MARCHF7: variants seen among roughly 807,000 people sequenced by gnomAD.
MARCHF7 encodes membrane associated ring-CH-type finger 7.
MARCHF7 carries 20 observed loss-of-function variants against 76.5 expected under a neutral mutation model. The observed-to-expected ratio is 0.26, with a 90% CI of 0.18 to 0.38. The LOEUF (loss-of-function observed/expected upper bound fraction) is 0.38, where lower values mean the gene tolerates loss of function less well. Ranked by LOEUF, MARCHF7 falls within the 10% of genes least tolerant of loss-of-function variation. MARCHF7 has a pLI of 1.00. For missense variants in MARCHF7, 797 were observed against 812.9 expected (o/e 0.98, Z 0.24); for synonymous variants, 295 against 293.0 (o/e 1.01, Z -0.07).
At chr2:159,731,616 T>C (rs1702799244) in intron 4 of MARCHF7, among the ~76,000 whole-genome samples, 2 of 151,470 alleles carry the variant, frequency 1.3e-5, no homozygotes, top group South Asian at 4.2e-4. Context: ...TAGCTGGGCG[T>C]GGTGGCGCAT....
intron 3 of MARCHF7, among the ~76,000 whole-genome samples, chr2:159,721,938 C>T (rs1196727803): frequency 2.6e-5 from 4 of 152,120 alleles, no homozygotes; most frequent in African/African-American, 9.7e-5. Flanking sequence ...GGAAGATAGC[C>T]TAACTGTCCA....
chr2:159,742,284 G>A (rs965142408), intron 4 of MARCHF7, among the ~76,000 whole-genome samples: 1 of 151,336 alleles, frequency 6.6e-6, no homozygotes, highest in African/African-American at 2.4e-5. Context: ...TGTTACTAGT[G>A]TTGTATGACC....
At chr2:159,750,091 A>G (rs894179873) in intron 7 of MARCHF7, among the ~76,000 whole-genome samples, 1 of 152,232 alleles carries the variant, frequency 6.6e-6, no homozygotes, top group African/African-American at 2.4e-5. Context: ...CTTTTTGTAG[A>G]GACAGGGTCT....
intron 6 of MARCHF7, among the ~76,000 whole-genome samples, chr2:159,746,828 T>G (rs981246177): frequency 6.6e-6 from 1 of 152,256 alleles, no homozygotes; most frequent in Admixed American, 6.5e-5. Context: ...AAATAATGTT[T>G]TGTTTTTAAA....
chr2:159,721,994 G>A (rs1701690658), intron 3 of MARCHF7, among the ~76,000 whole-genome samples: 1 of 152,164 alleles, frequency 6.6e-6, no homozygotes, highest in South Asian at 2.1e-4. Context: ...CATAGTGACA[G>A]AAGGAAAAGA....
chr2:159,762,909 C>T lies in MARCHF7; in HGVS notation c.1923C>T (p.Leu641=). ...QAEYEFISSG[L]YLVVLLHLCE... ...AGTATGAGTTTATCAGCTCTGGTCTCTACCTAGTGGTGTTATTGCACTTGT... is the reference window on the plus strand; with the variant it reads ...AGTATGAGTTTATCAGCTCTGGTCTTTACCTAGTGGTGTTATTGCACTTGT... The change falls in exon 10 of 12, where the codon CTC becomes CTT. Residue 641 remains leucine, a synonymous_variant. Coordinates refer to ENST00000409175, the MANE Select transcript of MARCHF7 (RefSeq NM_001282805.2). The T allele has an allele frequency of 6.2e-7, 1 of 1,612,630 alleles. No individual in the cohort carries two copies. Among genetic ancestry groups the T allele is most frequent in the Non-Finnish European group, 8.5e-7 (1 of 1,179,518 alleles).
intron 5 of MARCHF7, among the ~76,000 whole-genome samples, chr2:159,743,682 T>C (rs549120604): frequency 6.6e-6 from 1 of 152,098 alleles, no homozygotes; most frequent in African/African-American, 2.4e-5. Flanking sequence ...GGATGATCGC[T>C]TGAGGCCAGG....
At chr2:159,730,743 A>C (rs1334258712) in intron 4 of MARCHF7, among the ~76,000 whole-genome samples, 2 of 152,110 alleles carry the variant, frequency 1.3e-5, no homozygotes, top group African/African-American at 4.8e-5. Context: ...AATTTTGTCT[A>C]CTCATTTTTG....
intron 4 of MARCHF7, among the ~76,000 whole-genome samples, chr2:159,742,433 A>G (rs13019362): frequency 0.062 from 9,429 of 152,202 alleles, 381 homozygotes; most frequent in Middle Eastern, 0.14. Flanking sequence ...GGTTCCTGAA[A>G]AGACTGAAAT....
In MARCHF7 at chr2:159,747,854, A is replaced by C; in HGVS notation, c.564A>C (p.Glu188Asp). 6.2e-7 allele frequency: 1 copy of C among 1,610,128 alleles called. No individual in the cohort carries two copies. The highest frequency in any genetic ancestry group is 8.5e-7 in the Non-Finnish European group (1 of 1,179,044). Reference protein sequence around the residue: ...PSYSQGARPKENSMSTLQLNT... With the variant: ...PSYSQGARPKDNSMSTLQLNT... ...ATTCACAAGGAGCAAGACCAAAAGA[A>C]AACTCAATGAGCACTTTACAGTTGA... The change falls in exon 7 of 12, where the codon GAA (glutamate) becomes GAC (aspartate). Residue 188 changes from glutamate to aspartate, a missense_variant. This residue lies in a region of MARCHF7 where 643 missense variants were observed against 631.5 expected (regional missense o/e 1.02). Transcript: ENST00000409175.
chr2:159,731,840 C>T (rs1005913441), intron 4 of MARCHF7, among the ~76,000 whole-genome samples: 4 of 152,064 alleles, frequency 2.6e-5, no homozygotes, highest in African/African-American at 7.2e-5. Context: ...CACAGTGGCT[C>T]ACGCCTGTAA....
chr2:159,716,115 A>G (rs1701004673), intron 3 of MARCHF7, among the ~76,000 whole-genome samples: 1 of 151,280 alleles, frequency 6.6e-6, no homozygotes, highest in Non-Finnish European at 1.5e-5. Flanking sequence ...AGTATTTGTC[A>G]GCTAAAAGTT....
In MARCHF7 at chr2:159,748,377, A is replaced by G. The variant is rs764852869; in HGVS notation, c.1087A>G (p.Asn363Asp). 1.2e-6 allele frequency: 2 copies of G among 1,613,928 alleles called. No individual in the cohort carries two copies. The highest frequency in any genetic ancestry group is 3.3e-5 in the Admixed American group (2 of 60,026). Residue 363 changes from asparagine to aspartate, a missense_variant, in exon 7 of 12, where the codon AAT (asparagine) becomes GAT (aspartate). By Grantham distance (23) the Asn-to-Asp change is conservative. This residue lies in a region of MARCHF7 where 643 missense variants were observed against 631.5 expected (regional missense o/e 1.02). Coordinates refer to ENST00000409175, the MANE Select transcript of MARCHF7 (RefSeq NM_001282805.2). ...RRWGLSSLSH[N>D]HSSESDSENF... is the part of the protein sequence containing the mutation. ...ATGGGGTTTGTCATCTCTTAGCCAC[A>G]ATCATAGCTCTGAGTCAGATTCAGA...
chr2:159,765,530 A>C (rs1363636029), intron 11 of MARCHF7, among the ~76,000 whole-genome samples: 1 of 152,100 alleles, frequency 6.6e-6, no homozygotes, highest in African/African-American at 2.4e-5. Flanking sequence ...CACTATCCAA[A>C]GTGTCTTTTT....
chr2:159,731,426 TC>T (rs1395182410), intron 4 of MARCHF7, among the ~76,000 whole-genome samples: 1 of 152,184 alleles, frequency 6.6e-6, no homozygotes, highest in African/African-American at 2.4e-5. Context: ...TCAAACTGTT[TC>T]TTCTAACTTG....
chr2:159,757,626 G>A (rs1237399042), intron 8 of MARCHF7, among the ~76,000 whole-genome samples: 1 of 152,216 alleles, frequency 6.6e-6, no homozygotes, highest in Non-Finnish European at 1.5e-5. Flanking sequence ...CTAGGCAGCA[G>A]AGTGAGATCT....
chr2:159,733,882 C>A (rs1363581860), intron 4 of MARCHF7: 1 of 1,203,712 alleles, frequency 8.3e-7, no homozygotes, highest in Non-Finnish European at 1.0e-6. Context: ...ATCCAAGATT[C>A]TGGATAGCAT....
chr2:159,743,270 G>T lies in MARCHF7; in HGVS notation c.346+17G>T. Reference sequence around the variant, plus strand: ...CATTATCAGGTAAGAATGAGTTTCTGTAGGTATTTTAAGCCGTTTTTCTCC... The same window carrying T: ...CATTATCAGGTAAGAATGAGTTTCTTTAGGTATTTTAAGCCGTTTTTCTCC... On this transcript the variant is annotated intron_variant, in intron 5 of 11. Transcript: ENST00000409175. The T allele has an allele frequency of 6.2e-7, 1 of 1,603,082 alleles. No individual in the cohort carries two copies. Among genetic ancestry groups the T allele is most frequent in the Non-Finnish European group, 8.5e-7 (1 of 1,172,926 alleles).
chr2:159,752,645 T>C (rs570866273), intron 8 of MARCHF7, 74 bp downstream of exon 8: 2 of 1,274,354 alleles, frequency 1.6e-6, no homozygotes, highest in African/African-American at 3.1e-5. Context: ...TTAACAAATT[T>C]ATAGATTGTT....
Sources: gnomAD v4.1 joint callset for allele counts (sites outside exome capture counted in the v4.1 genomes callset) on GRCh38, gnomAD v4.1.1 for gene constraint, gnomAD v4.1.1 regional missense constraint, MANE v1.5 for transcripts, NCBI Gene and HGNC (gene_info 2026-07-23, HGNC 2026-07-21) for gene names.